The following PDK1 variants were observed in gnomAD, a reference collection of about 807,000 sequenced individuals.
PDK1 encodes pyruvate dehydrogenase kinase 1, also known as [Pyruvate dehydrogenase (acetyl-transferring)] kinase isozyme 1, mitochondrial.
PDK1 carries 39 observed loss-of-function variants against 54.2 expected under a neutral mutation model. The ratio of observed to expected loss-of-function variants is 0.72; its 90% CI spans 0.56 to 0.94. The LOEUF is 0.94. Among genes scored for constraint, PDK1 ranks in the 40% least tolerant of loss-of-function variants. The pLI, the probability that PDK1 is intolerant of heterozygous loss-of-function variation, is 0.00. For synonymous variants in PDK1, 221 were observed against 207.1 expected, an observed-to-expected ratio of 1.07 and a Z score of -0.58; for missense variants, 552 against 566.0, an observed-to-expected ratio of 0.98 and a Z score of 0.25.
the PDK1 span, among the ~76,000 whole-genome samples, chr2:172,706,500 C>T: frequency 1.3e-5 from 2 of 151,892 alleles, no homozygotes; most frequent in African/African-American, 4.8e-5. Flanking sequence ...TCTCGGCTCA[C>T]TGCAGCCTTG....
At chr2:172,662,457 T>C in the PDK1 span, among the ~76,000 whole-genome samples, 1 of 146,500 alleles carries the variant, frequency 6.8e-6, no homozygotes, top group Non-Finnish European at 1.5e-5. Flanking sequence ...TAAACAAATA[T>C]TGAATTATAG....
chr2:172,603,713 A>G lies in PDK1; in HGVS notation c.*7744A>G, dbSNP rs549711835. 9.8e-5 allele frequency: 15 copies of G among 152,334 alleles called. No homozygotes were observed. Among genetic ancestry groups the G allele is most frequent in the Admixed American group, 9.8e-4 (15 of 15,298 alleles). The allele number at this position is 152,334 out of a possible 1,614,324, so 9.4% of individuals were successfully genotyped here. ...CTCTGGTGAATGTCGATGTGGATCT[A>G]GTCTCCAGGGTTAGATCCAGGCAGG... On this transcript the variant is annotated 3_prime_UTR_variant, in exon 11 of 11. Coordinates refer to ENST00000282077, the MANE Select transcript of PDK1 (RefSeq NM_002610.5).
chr2:172,616,463 C>T, the PDK1 span, among the ~76,000 whole-genome samples: 4 of 152,036 alleles, frequency 2.6e-5, no homozygotes, highest in African/African-American at 9.7e-5. Context: ...TATGATATTG[C>T]CATAAACTAA....
chr2:172,709,648 C>G, the PDK1 span, among the ~76,000 whole-genome samples: 3 of 152,200 alleles, frequency 2.0e-5, no homozygotes, highest in Non-Finnish European at 4.4e-5. Context: ...AGTCACCCAA[C>G]GGCACAATTC....
chr2:172,677,226 G>A, the PDK1 span: 1 of 152,208 alleles, frequency 6.6e-6, no homozygotes. Flanking sequence ...TTTTGTTGCA[G>A]TGTGATAAAT....
rs1419174451 is a variant in PDK1 at position 172,593,120 on chromosome 2, T to G, written c.1170+72T>G. On this transcript the variant is annotated intron_variant, in intron 10 of 10. Coordinates refer to ENST00000282077, the MANE Select transcript of PDK1 (RefSeq NM_002610.5). The stretch of plus-strand genomic sequence containing the variant: ...AACAGATGTCCATACTTAACTGTAA[T>G]GAAATTTAACTCTACCACATGCTGT... 8.7e-6 allele frequency: 7 copies of G among 808,100 alleles called. No homozygotes were observed. The African/African-American group carries it at 1.2e-4, about 14-fold the overall frequency. The allele number at this position is 808,100 out of a possible 1,614,324, so 50.1% of individuals were successfully genotyped here.
At chr2:172,723,547 A>G in the PDK1 span, 5 of 152,234 alleles carry the variant, frequency 3.3e-5, no homozygotes, top group East Asian at 3.9e-4. Flanking sequence ...AAAAATGTCA[A>G]TGTCATGAAA....
the PDK1 span, among the ~76,000 whole-genome samples, chr2:172,697,303 G>A: frequency 0.053 from 8,130 of 152,160 alleles, 414 homozygotes; most frequent in East Asian, 0.22. Context: ...AGAGACATAC[G>A]ACAGGGGATG....
chr2:172,707,854 T>C, the PDK1 span, among the ~76,000 whole-genome samples: 6 of 152,310 alleles, frequency 3.9e-5, no homozygotes, highest in African/African-American at 1.4e-4. Flanking sequence ...AAAATAGAAA[T>C]GTTTGCTTAA....
chr2:172,562,883 G>T (rs1484722889), intron 3 of PDK1: 2 of 1,259,914 alleles, frequency 1.6e-6, no homozygotes, highest in African/African-American at 1.5e-5. Context: ...CCTGCTTATT[G>T]CAGTGAAGGG....
At chr2:172,643,695 T>C in the PDK1 span, among the ~76,000 whole-genome samples, 1 of 152,078 alleles carries the variant, frequency 6.6e-6, no homozygotes, top group South Asian at 2.1e-4. Flanking sequence ...CACATTCATG[T>C]GTGAAAGGAC....
rs1690874437 is a variant in PDK1 at position 172,596,055 on chromosome 2, AC to A, written c.*87del. On this transcript the variant is annotated 3_prime_UTR_variant, in exon 11 of 11. Coordinates refer to ENST00000282077, the MANE Select transcript of PDK1 (RefSeq NM_002610.5). ...TGTTCAGAACTATATTATACCAAGT[AC>A]TTTATTTATCGTTTTCACAAAACTA... The A allele has an allele frequency of 8.9e-7, 1 of 1,129,734 alleles. No individual in the cohort carries two copies. Among genetic ancestry groups the A allele is most frequent in the East Asian group, 2.6e-5 (1 of 38,474 alleles). The allele number at this position is 1,129,734 out of a possible 1,614,324, so 70.0% of individuals were successfully genotyped here. A position where few individuals can be genotyped will look rare whatever the true frequency, so the allele number is the denominator to read the frequency against.
chr2:172,631,030 T>C, the PDK1 span, among the ~76,000 whole-genome samples: 1 of 152,250 alleles, frequency 6.6e-6, no homozygotes, highest in Non-Finnish European at 1.5e-5. Flanking sequence ...ACCTTTCACA[T>C]TTAGGTCTTT....
chr2:172,702,279 C>G, the PDK1 span, among the ~76,000 whole-genome samples: 1 of 152,124 alleles, frequency 6.6e-6, no homozygotes, highest in Admixed American at 6.5e-5. Flanking sequence ...GAATTCAAGA[C>G]CAGCCTGGCC....
chr2:172,569,434 T>G (rs1689131733), intron 7 of PDK1, among the ~76,000 whole-genome samples: 1 of 152,280 alleles, frequency 6.6e-6, no homozygotes, highest in East Asian at 1.9e-4. Context: ...CAATAATACT[T>G]GCTGGTTGAC....
At chr2:172,660,710 C>A in the PDK1 span, among the ~76,000 whole-genome samples, 4 of 151,970 alleles carry the variant, frequency 2.6e-5, no homozygotes, top group East Asian at 5.8e-4. Flanking sequence ...TGGGGGCAGC[C>A]CTGGTCGAAG....
chr2:172,586,290 G>C lies in PDK1; in HGVS notation c.958G>C (p.Gly320Arg). 1.2e-6 allele frequency: 2 copies of C among 1,609,194 alleles called. No homozygotes were observed. Among genetic ancestry groups the C allele is most frequent in the African/African-American group, 1.3e-5 (1 of 74,910 alleles). ...TTTCTTACCTTAGATGAGTGACCGA[G>C]GAGGTGGCGTTCCTTTGAGGAAAAT... is the stretch of plus-strand genomic sequence containing the variant. ...EDLTVKMSDR[G>R]GGVPLRKIDR... is the part of the protein sequence containing the mutation. Residue 320 changes from glycine (G) to arginine (R), a missense_variant, in exon 9 of 11, where the codon GGA becomes CGA. Coordinates refer to ENST00000282077, the MANE Select transcript of PDK1 (RefSeq NM_002610.5).
chr2:172,698,357 C>T, the PDK1 span, among the ~76,000 whole-genome samples: 1 of 152,084 alleles, frequency 6.6e-6, no homozygotes, highest in Non-Finnish European at 1.5e-5. Context: ...AAGTGTGACT[C>T]ACTTCACCAT....
chr2:172,599,914 G>A lies in PDK1; in HGVS notation c.*3945G>A, dbSNP rs915679915. 6.6e-6 allele frequency: 1 copy of A among 152,080 alleles called. No individual in the cohort carries two copies. Among genetic ancestry groups the A allele is most frequent in the African/African-American group, 2.4e-5 (1 of 41,414 alleles). 9.4% of individuals were successfully genotyped at this position (152,080 alleles called of 1,614,324 possible). On this transcript the variant is annotated 3_prime_UTR_variant, in exon 11 of 11. Transcript: ENST00000282077. ...AGCTGTCTTTTACTTTGTTAAATTA[G>A]CAATTATTTAGCAAAAATACAGAGT...
Sources: gnomAD v4.1 joint callset for allele counts (sites outside exome capture counted in the v4.1 genomes callset) on GRCh38, gnomAD v4.1.1 for gene constraint, MANE v1.5 for transcripts, NCBI Gene and HGNC (gene_info 2026-07-23, HGNC 2026-07-21) for gene names.